The following RGS18 variants were observed in gnomAD, a reference collection of about 807,000 sequenced individuals.
RGS18 encodes the protein regulator of G protein signaling 18.
RGS18 carries 22 observed loss-of-function variants against 27.6 expected under a neutral mutation model. The observed-to-expected ratio is 0.80, with a 90% confidence interval of 0.57 to 1.14. The LOEUF is 1.14. Among genes scored for constraint, RGS18 ranks in the 50% most tolerant of loss-of-function variants. The pLI, the probability that RGS18 is intolerant of heterozygous loss-of-function variation, is 0.00. For missense variants in RGS18, 299 were observed against 269.6 expected (o/e 1.11, Z -0.76); for synonymous variants, 89 against 84.6 (o/e 1.05, Z -0.29).
At chr1:192,160,344 C>G in intron 2 of RGS18, 34 bp from the exon 3 acceptor site, 1 of 1,440,260 alleles carries the variant, frequency 6.9e-7, no homozygotes. Context: ...ACTTTCTGCA[C>G]ACTCCATTAT....
rs751827669 is a variant in RGS18 at position 192,159,172 on chromosome 1, T to A, written c.120-48T>A. On this transcript the variant is annotated intron_variant, in intron 1 of 4. Transcript: ENST00000367460. ...TTTTCTGGTAGTCAGCAGGAGAGAT[T>A]TTAACTGTCATCTAAATTGTCCTGA... The A allele has an allele frequency of 2.9e-6, 4 of 1,396,862 alleles. No homozygotes were observed. In the African/African-American group the frequency reaches 4.3e-5, roughly 15 times the overall value. 86.5% of individuals were successfully genotyped at this position (1,396,862 alleles called of 1,614,324 possible).
chr1:192,165,081 C>A (rs1235464692), intron 3 of RGS18, among the ~76,000 whole-genome samples: 2 of 152,054 alleles, frequency 1.3e-5, no homozygotes, highest in Admixed American at 6.5e-5. Flanking sequence ...ATTATTTCCC[C>A]AGTAAGGAAT....
At position 192,185,063 on chromosome 1, in the gene RGS18, G is replaced by A. The variant is rs1656525340; in HGVS notation, c.*509G>A. Reference sequence around the variant, plus strand: ...TGGGAGATGAAGAACATTTATTATTGGGTTACTACTAACCCTGTCCCAAGA... The same window carrying A: ...TGGGAGATGAAGAACATTTATTATTAGGTTACTACTAACCCTGTCCCAAGA... On this transcript the variant is annotated 3_prime_UTR_variant, in exon 5 of 5. Transcript: ENST00000367460. The A allele has an allele frequency of 4.5e-5, 7 of 156,816 alleles. No homozygotes were observed. The South Asian group carries it at 1.1e-3, about 25-fold the overall frequency. 9.7% of individuals were successfully genotyped at this position (156,816 alleles called of 1,614,324 possible). A position where few individuals can be genotyped will look rare whatever the true frequency, so the allele number is the denominator to read the frequency against.
At chr1:192,180,742 C>T (rs565657516) in intron 3 of RGS18, among the ~76,000 whole-genome samples, 1 of 151,774 alleles carries the variant, frequency 6.6e-6, no homozygotes, top group East Asian at 2.0e-4. Context: ...CATTTGAGTA[C>T]ACACTCCAGC....
chr1:192,164,166 AC>A (rs1656122795), intron 3 of RGS18, among the ~76,000 whole-genome samples: 1 of 152,180 alleles, frequency 6.6e-6, no homozygotes, highest in Admixed American at 6.5e-5. Flanking sequence ...TAGGAATGAA[AC>A]CACAGGATGG....
chr1:192,183,869 C>T (rs1371643103), intron 4 of RGS18, among the ~76,000 whole-genome samples: 1 of 151,508 alleles, frequency 6.6e-6, no homozygotes, highest in East Asian at 1.9e-4. Context: ...ATACAGGAAG[C>T]CTAATAGCAT....
rs768366051 is a variant in RGS18, at chr1:192,184,496, G to A, written c.650G>A (p.Arg217His). Residue 217 changes from arginine to histidine, a missense_variant, in exon 5 of 5, where the codon CGC becomes CAC. By Grantham distance (29) the Arg-to-His change is conservative. Coordinates refer to ENST00000367460, the MANE Select transcript of RGS18 (RefSeq NM_130782.3). ...QRPTNLRRRS[R>H]SFTCNEFQDV... Reference sequence around the variant, plus strand: ...CCAACAAATCTTAGGAGACGATCACGCTCATTTACCTGCAATGAATTCCAA... The same window carrying A: ...CCAACAAATCTTAGGAGACGATCACACTCATTTACCTGCAATGAATTCCAA... 3.2e-5 allele frequency: 52 copies of A among 1,611,254 alleles called. No homozygotes were observed. Among genetic ancestry groups the A allele is most frequent in the South Asian group, 1.3e-4 (12 of 91,026 alleles).
At chr1:192,173,613 T>C (rs1656307948) in intron 3 of RGS18, among the ~76,000 whole-genome samples, 1 of 151,922 alleles carries the variant, frequency 6.6e-6, no homozygotes, top group Admixed American at 6.6e-5. Flanking sequence ...TTATAAAATC[T>C]ATTAATTGAA....
chr1:192,159,501 G>A (rs534678324), intron 2 of RGS18, among the ~76,000 whole-genome samples, 180 bp downstream of exon 2: 15 of 152,156 alleles, frequency 9.9e-5, no homozygotes, highest in African/African-American at 3.1e-4. Context: ...GAATTAAATC[G>A]CTTGAATTGA....
intron 4 of RGS18, among the ~76,000 whole-genome samples, chr1:192,181,828 C>T (rs1656462434): frequency 6.6e-6 from 1 of 151,482 alleles, no homozygotes; most frequent in African/African-American, 2.4e-5. Flanking sequence ...CCTGTTGATC[C>T]ATCCTTTCTC....
intron 3 of RGS18, among the ~76,000 whole-genome samples, chr1:192,164,277 C>T (rs991692468): frequency 5.9e-5 from 9 of 151,834 alleles, no homozygotes; most frequent in African/African-American, 2.2e-4. Context: ...AGGAATGGGG[C>T]GTTAAACAAT....
chr1:192,159,073 C>T, intron 1 of RGS18, 147 bp from the exon 2 acceptor site: 1 of 596,698 alleles, frequency 1.7e-6, no homozygotes, highest in Non-Finnish European at 3.0e-6. Flanking sequence ...CTAATTCCTC[C>T]ACAAATACAA....
chr1:192,163,031 T>C (rs1656100678), intron 3 of RGS18, among the ~76,000 whole-genome samples: 1 of 152,192 alleles, frequency 6.6e-6, no homozygotes, highest in Admixed American at 6.5e-5. Flanking sequence ...CGAGTTTTAG[T>C]TTTCTCCTAA....
At chr1:192,183,583 G>C (rs1266436738) in intron 4 of RGS18, among the ~76,000 whole-genome samples, 4 of 151,532 alleles carry the variant, frequency 2.6e-5, no homozygotes, top group Non-Finnish European at 5.9e-5. Flanking sequence ...CAGATGAAAT[G>C]CTAGTCAAGA....
chr1:192,184,146 C>T lies in RGS18; in HGVS notation c.451-151C>T, dbSNP rs74832420. 5.9e-3 allele frequency: 3,755 copies of T among 640,586 alleles called. 15 individuals carry two copies. Among genetic ancestry groups the T allele is most frequent in the Admixed American group, 0.011 (369 of 33,776 alleles). The allele number at this position is 640,586 out of a possible 1,614,324, so 39.7% of individuals were successfully genotyped here. On this transcript the variant is annotated intron_variant, in intron 4 of 4. Coordinates refer to ENST00000367460, the MANE Select transcript of RGS18 (RefSeq NM_130782.3). ...TCCAATGCTGGGGATTACAATTAAACATGAGGTTTGGGCAGGCTACACACA... is the reference window on the plus strand; with the variant it reads ...TCCAATGCTGGGGATTACAATTAAATATGAGGTTTGGGCAGGCTACACACA...
intron 3 of RGS18, among the ~76,000 whole-genome samples, chr1:192,165,621 G>C (rs1321982302): frequency 1.3e-5 from 2 of 152,116 alleles, no homozygotes; most frequent in African/African-American, 2.4e-5. Flanking sequence ...CCGACACTTA[G>C]GGAAAATAGA....
At chr1:192,161,361 G>C (rs949528977) in intron 3 of RGS18, 2 of 152,118 alleles carry the variant, frequency 1.3e-5, no homozygotes, top group Admixed American at 1.3e-4. Context: ...TAGGAGGCAG[G>C]CTCCCTGGAT....
intron 3 of RGS18, among the ~76,000 whole-genome samples, chr1:192,160,945 G>C (rs529579897): frequency 6.6e-6 from 1 of 152,012 alleles, no homozygotes; most frequent in Non-Finnish European, 1.5e-5. Context: ...CTCCGCCTCC[G>C]TTCAGGCCAT....
In RGS18 at chr1:192,158,660, T is replaced by G; in HGVS notation, c.23T>G (p.Phe8Cys). 1 of 1,571,682 alleles carries G rather than the reference T, an allele frequency of 6.4e-7. No homozygotes were observed. Among genetic ancestry groups the G allele is most frequent in the Non-Finnish European group, 8.6e-7 (1 of 1,165,254 alleles). Reference sequence around the variant, plus strand: ...AAGATGGAAACAACATTGCTTTTCTTTTCTCAAATAAATATGTGTGAATCA... The same window carrying G: ...AAGATGGAAACAACATTGCTTTTCTGTTCTCAAATAAATATGTGTGAATCA... METTLLF[F>C]SQINMCESKE... is the part of the protein sequence containing the mutation. The change falls in exon 1 of 5, where the codon TTT (phenylalanine) becomes TGT (cysteine). Residue 8 changes from phenylalanine to cysteine, a missense_variant. Physicochemically the swap from Phe to Cys is radical, Grantham distance 205 (BLOSUM62 -2). Transcript: ENST00000367460.
Sources: allele counts gnomAD v4.1 joint callset (sites outside exome capture counted in the v4.1 genomes callset), GRCh38; gene constraint gnomAD v4.1.1; transcripts MANE v1.5; gene names NCBI Gene and HGNC (gene_info 2026-07-23, HGNC 2026-07-21).